The following PTPN14 variants were observed in gnomAD, a reference collection of about 807,000 sequenced individuals.
PTPN14 encodes the protein tyrosine-protein phosphatase non-receptor type 14.
Under a neutral mutation model 126.8 loss-of-function variants are expected in PTPN14, and 53 were observed. The observed-to-expected ratio is 0.42, with a 90% CI of 0.34 to 0.53. The LOEUF is 0.53. Ranked by LOEUF, PTPN14 falls within the 20% of genes least tolerant of loss-of-function variation. The probability of loss-of-function intolerance (pLI) is 0.08; values close to 1 mark genes in which losing one functional copy is unlikely to be tolerated. For synonymous variants in PTPN14, 630 were observed against 599.3 expected, an observed-to-expected ratio of 1.05 and a Z score of -0.75; for missense variants, 1,257 against 1,552.9, an observed-to-expected ratio of 0.81 and a Z score of 3.20.
intron 1 of PTPN14, among the ~76,000 whole-genome samples, chr1:214,485,015 G>A (rs2102680166): frequency 6.6e-6 from 1 of 152,304 alleles, no homozygotes; most frequent in South Asian, 2.1e-4. Flanking sequence ...GTTCAACAAA[G>A]AAAATGCCAT....
rs143154921 is a variant in PTPN14 at position 214,495,990 on chromosome 1, C to T, written c.-154-31033G>A. On this transcript the variant is annotated intron_variant, in intron 1 of 18. Transcript: ENST00000366956. ...GATTACAGACATGAGCCACCACACT[C>T]GGCCTCATGTGTTATTTTAATACAT... Among the ~76,000 whole-genome samples the T allele has an allele frequency of 3.7e-4, 56 of 152,256 alleles. No homozygotes were observed. In the East Asian group the frequency reaches 0.01, roughly 28 times the overall value.
intron 1 of PTPN14, among the ~76,000 whole-genome samples, chr1:214,495,327 G>C (rs1661336001): frequency 6.6e-6 from 1 of 152,124 alleles, no homozygotes; most frequent in Non-Finnish European, 1.5e-5. Context: ...CAGAGTCCCT[G>C]GCCCAGATAA....
At chr1:214,471,025 C>CAAAAAAAAAAAAA (rs71165976) in intron 1 of PTPN14, among the ~76,000 whole-genome samples, 1 of 129,306 alleles carries the variant, frequency 7.7e-6, no homozygotes, top group African/African-American at 2.9e-5. Flanking sequence ...AATTCCATCT[C>CAAAAAAAAAAAAA]AAAAAAAAAA....
chr1:214,413,531 A>G lies in PTPN14; in HGVS notation c.442+1098T>C, dbSNP rs143143237. On this transcript the variant is annotated intron_variant, in intron 4 of 18. Transcript: ENST00000366956. ...GGGAAGTCAGTTCACACCTTCTAAA[A>G]CAACAGTCCATGCAGGAAGAACCCA... 4.7e-3 allele frequency among the ~76,000 whole-genome samples: 715 copies of G among 152,318 alleles called. 5 individuals are homozygous for G. The highest frequency in any genetic ancestry group is 0.016 in the African/African-American group (681 of 41,576).
At chr1:214,427,778 A>G (rs1276492273) in intron 3 of PTPN14, among the ~76,000 whole-genome samples, 2 of 152,196 alleles carry the variant, frequency 1.3e-5, no homozygotes, top group East Asian at 3.8e-4. Flanking sequence ...AACTCTGAGC[A>G]AAGATCTGAA....
At chr1:214,391,662 T>C (rs1658754352) in intron 10 of PTPN14, among the ~76,000 whole-genome samples, 1 of 146,882 alleles carries the variant, frequency 6.8e-6, no homozygotes, top group African/African-American at 2.5e-5. Flanking sequence ...AAGCAACAGG[T>C]CCCAAATGCT....
intron 4 of PTPN14, among the ~76,000 whole-genome samples, chr1:214,413,109 T>G (rs1257229025): frequency 2.0e-5 from 3 of 152,196 alleles, no homozygotes; most frequent in Non-Finnish European, 4.4e-5. Context: ...ACTCCTGGTT[T>G]CAAGTAATCC....
At chr1:214,404,458 T>C (rs1266104023) in intron 5 of PTPN14, among the ~76,000 whole-genome samples, 1 of 152,244 alleles carries the variant, frequency 6.6e-6, no homozygotes, top group Non-Finnish European at 1.5e-5. Context: ...AAGTTAGCTA[T>C]GTATGTGCAT....
rs1553258555 is a variant in PTPN14 at position 214,364,806 on chromosome 1, T to TG, written c.3272-132_3272-131insC. 564 of 859,144 alleles carry TG rather than the reference T, an allele frequency of 6.6e-4. 5 individuals are homozygous for TG. The African/African-American group carries it at 8.7e-3, about 13-fold the overall frequency. 53.2% of individuals were successfully genotyped at this position (859,144 alleles called of 1,614,324 possible). Reference sequence around the variant, plus strand: ...GTGTGTGTGTGTGTGTGTGTGTGTGTTTTAAGTGACAATAATTTATAGTTC... The same window carrying TG: ...GTGTGTGTGTGTGTGTGTGTGTGTGTGTTTAAGTGACAATAATTTATAGTTC... On this transcript the variant is annotated intron_variant, in intron 17 of 18. Transcript: ENST00000366956. This position sits in a 1 kb window ranked among gnomAD's most constrained non-coding sequence, Gnocchi z 4.1.
chr1:214,533,335 G>A (rs530165689), intron 1 of PTPN14: 12 of 518,158 alleles, frequency 2.3e-5, no homozygotes, highest in South Asian at 1.4e-4. Context: ...GCTGGAAGAC[G>A]GTGAGGACTT....
At chr1:214,365,852 A>G (rs1213954853) in intron 17 of PTPN14, among the ~76,000 whole-genome samples, 2 of 152,162 alleles carry the variant, frequency 1.3e-5, no homozygotes, top group Non-Finnish European at 2.9e-5. Context: ...GTAATGTACA[A>G]TGAGATAGGA....
intron 3 of PTPN14, among the ~76,000 whole-genome samples, chr1:214,448,486 C>T (rs1484125318): frequency 1.3e-5 from 2 of 151,666 alleles, no homozygotes; most frequent in Non-Finnish European, 2.9e-5. Context: ...CCTCGTGATC[C>T]GCCCGCCTCG....
rs1657692203 is a variant in PTPN14 at position 214,350,869 on chromosome 1, A to G, written c.*7053T>C. 2 of 151,822 alleles carry G rather than the reference A, an allele frequency of 1.3e-5. No homozygotes were observed. The highest frequency in any genetic ancestry group is 2.9e-5 in the Non-Finnish European group (2 of 67,970). The allele number at this position is 151,822 out of a possible 1,614,324, so 9.4% of individuals were successfully genotyped here. On this transcript the variant is annotated 3_prime_UTR_variant, in exon 19 of 19. Transcript: ENST00000366956. ...GAGCCACCACATCTGGCCATTTGCCAGATCTTATTCTTTGAAACTATACAA... is the reference window on the plus strand; with the variant it reads ...GAGCCACCACATCTGGCCATTTGCCGGATCTTATTCTTTGAAACTATACAA...
intron 5 of PTPN14, among the ~76,000 whole-genome samples, chr1:214,410,867 A>T: frequency 6.6e-6 from 1 of 152,158 alleles, no homozygotes; most frequent in East Asian, 1.9e-4. Flanking sequence ...TTTGATATAC[A>T]GTTTGAAATA....
intron 3 of PTPN14, among the ~76,000 whole-genome samples, chr1:214,445,876 T>G (rs116260793): frequency 1.1e-4 from 17 of 152,320 alleles, no homozygotes; most frequent in African/African-American, 3.6e-4. Context: ...GTGAAAACCA[T>G]GTGTTTATAA....
chr1:214,450,476 TAA>T (rs748805193), intron 3 of PTPN14, among the ~76,000 whole-genome samples: 3 of 135,374 alleles, frequency 2.2e-5, no homozygotes, highest in Non-Finnish European at 1.6e-5. Context: ...CGTCTCAAAT[TAA>T]AAAAAAAAAA....
intron 1 of PTPN14, among the ~76,000 whole-genome samples, chr1:214,471,025 CA>C (rs71165976): frequency 0.76 from 98,026 of 128,996 alleles, 36,456 homozygotes; most frequent in Middle Eastern, 0.82. Context: ...AATTCCATCT[CA>C]AAAAAAAAAA....
chr1:214,547,608 G>C (rs562393674), intron 1 of PTPN14, among the ~76,000 whole-genome samples: 2 of 152,294 alleles, frequency 1.3e-5, no homozygotes, highest in South Asian at 4.2e-4. Flanking sequence ...GGAAATCAAG[G>C]CTGCAAAGAT....
At chr1:214,508,548 T>G (rs1654896318) in intron 1 of PTPN14, among the ~76,000 whole-genome samples, 1 of 152,204 alleles carries the variant, frequency 6.6e-6, no homozygotes, top group Non-Finnish European at 1.5e-5. Context: ...TGCTAAAGTT[T>G]GAACCCCTCA....
Sources: allele counts gnomAD v4.1 joint callset (sites outside exome capture counted in the v4.1 genomes callset), GRCh38; gene constraint gnomAD v4.1.1; non-coding constraint Gnocchi (gnomAD v3.1); transcripts MANE v1.5; gene names NCBI Gene and HGNC (gene_info 2026-07-23, HGNC 2026-07-21).